ZNF652: variants seen among roughly 807,000 people sequenced by gnomAD.
The protein encoded by ZNF652 is zinc finger protein 652.
Under a neutral mutation model 45.2 loss-of-function variants are expected in ZNF652, and 16 were observed. The ratio of observed to expected loss-of-function variants is 0.35; its 90% confidence interval spans 0.24 to 0.54. The LOEUF (loss-of-function observed/expected upper bound fraction) is 0.54, where lower values mean the gene tolerates loss of function less well. Among genes scored for constraint, ZNF652 ranks in the 20% least tolerant of loss-of-function variants. The pLI is 0.91. For missense variants in ZNF652, 614 were observed against 765.6 expected (o/e 0.80, Z 2.34); for synonymous variants, 250 against 260.6 (o/e 0.96, Z 0.39).
At chr17:49,330,867 A>C (rs2070015509) in intron 1 of ZNF652, among the ~76,000 whole-genome samples, 1 of 150,798 alleles carries the variant, frequency 6.6e-6, no homozygotes, top group Non-Finnish European at 1.5e-5. Flanking sequence ...CCTGACCAAC[A>C]TGGAGAAACC....
In ZNF652 at chr17:49,295,122, T is replaced by C. The variant is rs2069454498; in HGVS notation, c.*3291A>G. ...GTGAATATTCTTTTTTTTTTTTTTTTTGAGATGGAGTCTCGCTCTGTTGCC... is the reference window on the plus strand; with the variant it reads ...GTGAATATTCTTTTTTTTTTTTTTTCTGAGATGGAGTCTCGCTCTGTTGCC... On this transcript the variant is annotated 3_prime_UTR_variant, in exon 6 of 6. Transcript: ENST00000430262. The C allele has an allele frequency of 6.6e-6, 1 of 151,626 alleles. No homozygotes were observed. The highest frequency in any genetic ancestry group is 1.9e-4 in the East Asian group (1 of 5,174). 9.4% of individuals were successfully genotyped at this position (151,626 alleles called of 1,614,324 possible). A position where few individuals can be genotyped will look rare whatever the true frequency, so the allele number is the denominator to read the frequency against.
At chr17:49,299,625 C>T (rs559182570) in intron 5 of ZNF652, among the ~76,000 whole-genome samples, 1 of 151,966 alleles carries the variant, frequency 6.6e-6, no homozygotes, top group African/African-American at 2.4e-5. Flanking sequence ...AGGTGATCTA[C>T]CCACCTCGGC....
At chr17:49,288,186 G>A (rs73340394), downstream of ZNF652, among the ~76,000 whole-genome samples, 2,479 of 151,764 alleles carry the variant, frequency 0.016, 59 homozygotes, top group African/African-American at 0.057. Flanking sequence ...TAGCAAAGTA[G>A]TGGTAAAAAT....
chr17:49,342,215 C>T (rs1284093161), intron 1 of ZNF652, among the ~76,000 whole-genome samples: 1 of 151,436 alleles, frequency 6.6e-6, no homozygotes, highest in Non-Finnish European at 1.5e-5. Flanking sequence ...TTTCTCAAAT[C>T]TAAAGTATTT....
intron 1 of ZNF652, among the ~76,000 whole-genome samples, chr17:49,348,607 C>G (rs2070237166): frequency 2.6e-5 from 4 of 151,988 alleles, no homozygotes; most frequent in Admixed American, 2.6e-4. Flanking sequence ...CAAACCTACC[C>G]AATCACTTCT....
In ZNF652 at chr17:49,296,588, G is replaced by C. The variant is rs1445406126; in HGVS notation, c.*1825C>G. On this transcript the variant is annotated 3_prime_UTR_variant, in exon 6 of 6. Transcript: ENST00000430262. ...AAATTTCAAGATTAAAAAATGGACT[G>C]GGCATGGTAGCATGCACCTGTAGTC... The C allele has an allele frequency of 6.6e-6, 1 of 152,178 alleles. No homozygotes were observed. Among genetic ancestry groups the C allele is most frequent in the Non-Finnish European group, 1.5e-5 (1 of 68,030 alleles). The allele number at this position is 152,178 out of a possible 1,614,324, so 9.4% of individuals were successfully genotyped here.
intron 5 of ZNF652, among the ~76,000 whole-genome samples, chr17:49,301,361 G>A (rs929211582): frequency 6.6e-6 from 1 of 151,946 alleles, no homozygotes; most frequent in African/African-American, 2.4e-5. Flanking sequence ...TGAGTGGCAC[G>A]ATCTCAGCTC....
intron 1 of ZNF652, among the ~76,000 whole-genome samples, chr17:49,360,915 G>A (rs1403356541): frequency 6.6e-6 from 1 of 152,202 alleles, no homozygotes. Flanking sequence ...CACGGGAGAT[G>A]CATGTAAGGG....
intron 1 of ZNF652, among the ~76,000 whole-genome samples, chr17:49,350,920 AG>A (rs1233649721): frequency 1.4e-5 from 2 of 147,784 alleles, no homozygotes; most frequent in Non-Finnish European, 3.0e-5. Flanking sequence ...CAGTGAGCCA[AG>A]ATCACACCAC....
intron 1 of ZNF652, among the ~76,000 whole-genome samples, chr17:49,332,280 T>C (rs2070033233): frequency 1.3e-5 from 2 of 152,078 alleles, no homozygotes; most frequent in East Asian, 1.9e-4. Flanking sequence ...AAATATAACA[T>C]TTTGAAAACA....
At chr17:49,299,961 C>T (rs1281878393) in intron 5 of ZNF652, among the ~76,000 whole-genome samples, 1 of 151,470 alleles carries the variant, frequency 6.6e-6, no homozygotes, top group African/African-American at 2.4e-5. Context: ...GCTGAGATTA[C>T]AGGTATGAGC....
In ZNF652 at chr17:49,317,127, G is replaced by A. The variant is rs771157983; in HGVS notation, c.599C>T (p.Ala200Val). 4.3e-6 allele frequency: 7 copies of A among 1,614,042 alleles called. No homozygotes were observed. The East Asian group carries it at 1.3e-4, about 31-fold the overall frequency. ...TCTGGGAGTAGGGGAAGTGGTAGCT[G>A]CGGCAACAGAGGCAGCTCTCCTGGT... ...RRTRRAASVAAATTSPTPRTT... is the reference protein window; with the variant it reads ...RRTRRAASVAVATTSPTPRTT... Residue 200 changes from alanine to valine, a missense_variant, in exon 2 of 6, where the codon GCA (alanine) becomes GTA (valine). By Grantham distance (64) the Ala-to-Val change is moderately conservative. Coordinates refer to ENST00000430262, the MANE Select transcript of ZNF652 (RefSeq NM_001145365.3).
intron 2 of ZNF652, among the ~76,000 whole-genome samples, chr17:49,313,299 G>A (rs1335926556): frequency 1.3e-5 from 2 of 152,082 alleles, no homozygotes; most frequent in Non-Finnish European, 2.9e-5. Flanking sequence ...GGGATTACAG[G>A]TGGGCGTCAC....
At chr17:49,356,820 A>C (rs1296578574) in intron 1 of ZNF652, among the ~76,000 whole-genome samples, 1 of 152,170 alleles carries the variant, frequency 6.6e-6, no homozygotes, top group African/African-American at 2.4e-5. Flanking sequence ...GTCTCTAGGT[A>C]ACTCTTGTGG....
At chr17:49,356,807 A>G (rs1377113221) in intron 1 of ZNF652, among the ~76,000 whole-genome samples, 3 of 152,164 alleles carry the variant, frequency 2.0e-5, no homozygotes, top group African/African-American at 7.2e-5. Flanking sequence ...CCTTATCTGA[A>G]AAGTCTCTAG....
chr17:49,330,222 G>A (rs1598303576), intron 1 of ZNF652, among the ~76,000 whole-genome samples: 1 of 152,236 alleles, frequency 6.6e-6, no homozygotes, highest in Non-Finnish European at 1.5e-5. Flanking sequence ...TATAACCTTG[G>A]AAGGTCTCAG....
rs771857119 is a variant in ZNF652 at position 49,311,472 on chromosome 17, T to A, written c.1165-16A>T. ...CGTCACAGTTCTGCATTGGATACAG[T>A]GGAGATTTTTGAATGCCAAGCATAG... On this transcript the variant is annotated splice_polypyrimidine_tract_variant and intron_variant, in intron 4 of 5. Transcript: ENST00000430262. 5.3e-5 allele frequency: 86 copies of A among 1,608,696 alleles called. No individual in the cohort carries two copies. The highest frequency in any genetic ancestry group is 7.1e-5 in the Non-Finnish European group (83 of 1,175,908).
chr17:49,327,742 T>A (rs969168680), intron 1 of ZNF652, among the ~76,000 whole-genome samples: 129 of 4,744 alleles, frequency 0.027, 3 homozygotes, highest in African/African-American at 0.12. Flanking sequence ...TATATATATA[T>A]ATATATATAT....
chr17:49,324,930 T>G (rs1249259606), intron 1 of ZNF652, among the ~76,000 whole-genome samples: 1 of 140,742 alleles, frequency 7.1e-6, no homozygotes, highest in African/African-American at 2.7e-5. Context: ...TAATAGAGAC[T>G]AGGTTTTACC....
Sources: allele counts gnomAD v4.1 joint callset (sites outside exome capture counted in the v4.1 genomes callset), GRCh38; gene constraint gnomAD v4.1.1; transcripts MANE v1.5; gene names NCBI Gene and HGNC (gene_info 2026-07-23, HGNC 2026-07-21).